Variants in MKLN1 observed in about 807,000 individuals in gnomAD.
MKLN1 encodes muskelin 1.
A neutral mutation model predicts 99.0 loss-of-function variants in MKLN1; 18 were observed. The ratio of observed to expected loss-of-function variants is 0.18; its 90% CI spans 0.13 to 0.27. The LOEUF (loss-of-function observed/expected upper bound fraction) is 0.27. Ranked by LOEUF, MKLN1 falls within the 10% of genes least tolerant of loss-of-function variation. MKLN1 has a pLI of 1.00. For synonymous variants in MKLN1, 288 were observed against 293.2 expected (o/e 0.98, Z 0.18); for missense variants, 621 against 875.9 (o/e 0.71, Z 3.67).
chr7:131,266,754 A>G (rs1245501101), intron 3 of MKLN1, among the ~76,000 whole-genome samples: 1 of 151,364 alleles, frequency 6.6e-6, no homozygotes, highest in Admixed American at 6.6e-5. Context: ...CCTTACCTCC[A>G]TTTTCTTAAG....
At chr7:131,418,004 C>T (rs1158999274) in intron 8 of MKLN1, among the ~76,000 whole-genome samples, 1 of 152,022 alleles carries the variant, frequency 6.6e-6, no homozygotes, top group Admixed American at 6.6e-5. Context: ...AATACTGAGA[C>T]CTGATTGTAG....
chr7:131,194,674 A>T (rs551645296), intron 2 of MKLN1, among the ~76,000 whole-genome samples: 1 of 152,344 alleles, frequency 6.6e-6, no homozygotes, highest in African/African-American at 2.4e-5. Flanking sequence ...AGATGGATAG[A>T]TACTCCTTCT....
intron 3 of MKLN1, among the ~76,000 whole-genome samples, chr7:131,321,632 G>T (rs1038038747): frequency 9.2e-5 from 14 of 152,140 alleles, no homozygotes; most frequent in African/African-American, 2.7e-4. Flanking sequence ...TCAAGTATTA[G>T]CCAGCACAAA....
intron 16 of MKLN1, among the ~76,000 whole-genome samples, chr7:131,472,732 C>T (rs1371460417): frequency 1.3e-5 from 2 of 151,962 alleles, no homozygotes; most frequent in Non-Finnish European, 1.5e-5. Context: ...GGGCGGATCA[C>T]GAGGTCAGGA....
chr7:131,357,686 CAT>C (rs1196303186), intron 1 of MKLN1, among the ~76,000 whole-genome samples: 11 of 152,278 alleles, frequency 7.2e-5, no homozygotes, highest in South Asian at 2.1e-4. Flanking sequence ...TCAGTTGACT[CAT>C]GTGCGCCTTT....
intron 9 of MKLN1, among the ~76,000 whole-genome samples, chr7:131,435,431 G>A (rs951260072): frequency 6.6e-6 from 1 of 152,126 alleles, no homozygotes; most frequent in Non-Finnish European, 1.5e-5. Flanking sequence ...AGCTAGGAAT[G>A]GAAGAGAATG....
intron 2 of MKLN1, among the ~76,000 whole-genome samples, chr7:131,170,397 G>A (rs1028681237): frequency 6.6e-6 from 1 of 152,186 alleles, no homozygotes; most frequent in Non-Finnish European, 1.5e-5. Context: ...CTGTGATGCT[G>A]AGAAAATAAC....
At chr7:131,295,883 C>CAAA (rs57235729) in intron 3 of MKLN1, among the ~76,000 whole-genome samples, 1 of 103,464 alleles carries the variant, frequency 9.7e-6, no homozygotes, top group South Asian at 2.9e-4. Flanking sequence ...ACGTCCTATC[C>CAAA]AAAAAAAAAA....
intron 1 of MKLN1, among the ~76,000 whole-genome samples, chr7:131,362,212 G>A (rs967725290): frequency 1.3e-5 from 2 of 151,784 alleles, no homozygotes; most frequent in African/African-American, 4.8e-5. Flanking sequence ...GTCTCTTTAG[G>A]TGGTTTCGTC....
chr7:131,296,403 TC>T (rs1372560508), intron 3 of MKLN1, among the ~76,000 whole-genome samples: 39 of 152,156 alleles, frequency 2.6e-4, no homozygotes, highest in Non-Finnish European at 2.9e-5. Flanking sequence ...AAAAATGGAG[TC>T]TATTTTATAT....
intron 17 of MKLN1, among the ~76,000 whole-genome samples, chr7:131,485,506 C>G (rs1391119960): frequency 6.6e-6 from 1 of 152,022 alleles, no homozygotes; most frequent in East Asian, 1.9e-4. Context: ...CAAACTATCT[C>G]CCTATCAATA....
intron 3 of MKLN1, among the ~76,000 whole-genome samples, chr7:131,237,081 G>A (rs892268442): frequency 1.3e-5 from 2 of 152,110 alleles, no homozygotes; most frequent in Non-Finnish European, 2.9e-5. Flanking sequence ...CTTATTTTTT[G>A]CCTATGCCTG....
chr7:131,140,239 C>A (rs964496934), intron 1 of MKLN1, among the ~76,000 whole-genome samples: 1 of 152,208 alleles, frequency 6.6e-6, no homozygotes, highest in African/African-American at 2.4e-5. Context: ...CAGCCTACTC[C>A]TTGAAACATG....
chr7:131,468,759 A>G (rs1451044350), intron 15 of MKLN1, among the ~76,000 whole-genome samples: 1 of 152,214 alleles, frequency 6.6e-6, no homozygotes, highest in Non-Finnish European at 1.5e-5. Flanking sequence ...CAAGTCTGTG[A>G]TAAGTTCTTG....
chr7:131,429,924 A>G (rs1285201176), intron 9 of MKLN1, among the ~76,000 whole-genome samples: 1 of 152,244 alleles, frequency 6.6e-6, no homozygotes, highest in African/African-American at 2.4e-5. Flanking sequence ...GTATGCATGT[A>G]CAGATCTGTG....
chr7:131,137,724 G>A (rs1393660821), intron 1 of MKLN1, among the ~76,000 whole-genome samples: 4 of 151,728 alleles, frequency 2.6e-5, no homozygotes, highest in Middle Eastern at 3.2e-3. Context: ...ACGTGCATGC[G>A]CCACCATACC....
At chr7:131,222,654 A>T (rs901395519) in intron 3 of MKLN1, among the ~76,000 whole-genome samples, 5 of 152,144 alleles carry the variant, frequency 3.3e-5, no homozygotes, top group African/African-American at 1.2e-4. Flanking sequence ...AAGACATCAG[A>T]ATCTGCCCTT....
chr7:131,224,501 A>T (rs867309068), intron 3 of MKLN1, among the ~76,000 whole-genome samples: 11 of 152,210 alleles, frequency 7.2e-5, no homozygotes, highest in South Asian at 2.1e-4. Flanking sequence ...AGCCAAGATC[A>T]CACCACTGCA....
At chr7:131,202,492 C>T (rs999298638) in intron 2 of MKLN1, among the ~76,000 whole-genome samples, 2 of 152,056 alleles carry the variant, frequency 1.3e-5, no homozygotes, top group Non-Finnish European at 2.9e-5. Context: ...GAATGCATAG[C>T]CTCACCTCCT....
Sources: gnomAD v4.1 joint callset for allele counts (sites outside exome capture counted in the v4.1 genomes callset) on GRCh38, gnomAD v4.1.1 for gene constraint, MANE v1.5 for transcripts, NCBI Gene and HGNC (gene_info 2026-07-23, HGNC 2026-07-21) for gene names.